Variants in RPGR observed in about 807,000 individuals in gnomAD.
RPGR encodes the protein retinitis pigmentosa GTPase regulator, also known as X-linked retinitis pigmentosa GTPase regulator.
Under a neutral mutation model 56.3 loss-of-function variants are expected in RPGR, and 10 were observed. The observed-to-expected ratio is 0.18, with a 90% CI of 0.11 to 0.30. RPGR has a LOEUF of 0.30. Among genes scored for constraint, RPGR ranks in the 10% least tolerant of loss-of-function variants. The pLI is 1.00. For synonymous variants in RPGR, 197 were observed against 212.9 expected (o/e 0.93, Z 0.65); for missense variants, 538 against 590.9 (o/e 0.91, Z 0.93).
At chrX:38,322,733 A>T in intron 3 of RPGR, 120 bp downstream of exon 3, 1 of 557,377 alleles carries the variant, frequency 1.8e-6, no homozygotes, top group Non-Finnish European at 3.0e-6. Flanking sequence ...TGCTAATAAT[A>T]TTCAAGCAAA....
chrX:38,324,836 A>G (rs1035479485), intron 1 of RPGR, among the ~76,000 whole-genome samples: 4 of 103,615 alleles, frequency 3.9e-5, no homozygotes, highest in Non-Finnish European at 7.9e-5. Context: ...GTAGCACAAT[A>G]TGTAAGATGA....
rs776767321 is a variant in RPGR at position 38,277,976 on chromosome X, G to A, written c.1906-1204C>T. ...CCAATTGCAAAGGCGTGGCCTAATA[G>A]CATTCCCACTGAGGACAGGAAGCCC... On this transcript the variant is annotated intron_variant, in intron 15 of 18. Transcript: ENST00000642395. 6.6e-4 allele frequency among the ~76,000 whole-genome samples: 74 copies of A among 112,174 alleles called. 1 individual carries two copies. The highest frequency in any genetic ancestry group is 2.3e-3 in the African/African-American group (72 of 30,900).
At position 38,284,909 on chromosome X, in the gene RPGR, T is replaced by C. The variant is rs1283846426; in HGVS notation, c.1905+2185A>G. The C allele has an allele frequency of 4.0e-6, 3 of 746,426 alleles. No individual in the cohort carries two copies. In the Admixed American group the frequency reaches 2.6e-4, roughly 65 times the overall value. The allele number at this position is 746,426 out of a possible 1,213,427, so 61.5% of individuals were successfully genotyped here. On this transcript the variant is annotated intron_variant, in intron 15 of 18. Transcript: ENST00000642395. ...CCATTTCATTAGATATACTACCATC[T>C]GCCCAGATAGTAACTAAAAGAGATC...
intron 17 of RPGR, chrX:38,273,752 A>G: frequency 9.2e-6 from 2 of 218,167 alleles, no homozygotes; most frequent in Non-Finnish European, 1.7e-5. Flanking sequence ...GACTTCTGTA[A>G]AATACAAATT....
intron 15 of RPGR, among the ~76,000 whole-genome samples, chrX:38,280,251 T>C (rs1456706680): frequency 8.9e-6 from 1 of 112,077 alleles, no homozygotes; most frequent in East Asian, 2.8e-4. Flanking sequence ...AAAAGTAAGA[T>C]AGAATTCTTA....
intron 15 of RPGR, chrX:38,276,801 G>C (rs200356383): frequency 8.7e-7 from 1 of 1,147,928 alleles, no homozygotes; most frequent in East Asian, 3.0e-5. Context: ...TCAGAGAAGA[G>C]TAAGATTTTC....
chrX:38,297,517 T>C, intron 10 of RPGR, 65 bp from the exon 11 acceptor site: 1 of 974,714 alleles, frequency 1.0e-6, no homozygotes, highest in Non-Finnish European at 1.4e-6. Flanking sequence ...GATATAAACT[T>C]TCCTAAAAGT....
chrX:38,321,097 T>C lies in RPGR; in HGVS notation c.248-8A>G, dbSNP rs775563204. Reference sequence around the variant, plus strand: ...CTTTTTCAGGTTTTAGAGCTAAAAATATTTAAAATGGGACAATTATTTTAT... The same window carrying C: ...CTTTTTCAGGTTTTAGAGCTAAAAACATTTAAAATGGGACAATTATTTTAT... On this transcript the variant is annotated splice_polypyrimidine_tract_variant and splice_region_variant and intron_variant, in intron 3 of 18. Transcript: ENST00000642395. The C allele has an allele frequency of 8.6e-7, 1 of 1,158,055 alleles. No individual in the cohort carries two copies. Among genetic ancestry groups the C allele is most frequent in the African/African-American group, 1.8e-5 (1 of 56,837 alleles).
At chrX:38,318,033 G>A (rs1442676979) in intron 5 of RPGR, 2 of 111,151 alleles carry the variant, frequency 1.8e-5, no homozygotes, top group South Asian at 7.4e-4. Flanking sequence ...CTCAAAAATA[G>A]GTAACATATA....
rs574171500 is a variant in RPGR at position 38,276,728 on chromosome X, C to T, written c.1950G>A (p.Val650=). 2 of 1,208,616 alleles carry T rather than the reference C, an allele frequency of 1.7e-6. No individual in the cohort carries two copies. Among genetic ancestry groups the T allele is most frequent in the East Asian group, 3.0e-5 (1 of 33,760 alleles). The change falls in exon 16 of 19, where the codon GTG becomes GTA. Residue 650 remains valine, a synonymous_variant. Coordinates refer to ENST00000642395, the MANE Select transcript of RPGR (RefSeq NM_000328.3). ...CATTTTCAGCATTAATTTCCTCATC[C>T]ACATCTTCTAGTTTTAGTTCCTCAG... is the stretch of plus-strand genomic sequence containing the variant.
intron 10 of RPGR, chrX:38,298,527 GTCAACAAT>G (rs1356634375): frequency 3.8e-6 from 1 of 259,926 alleles, no homozygotes; most frequent in African/African-American, 2.9e-5. Context: ...TGTGCCTATA[GTCAACAAT>G]ACCGTATTGC....
In RPGR at chrX:38,318,905, A is replaced by G; in HGVS notation, c.393T>C (p.His131=). The change falls in exon 5 of 19, where the codon CAT becomes CAC. Residue 131 remains histidine, a synonymous_variant. Transcript: ENST00000642395. ...GCTCGGATGTAAAAAAGCTAATTAC[A>G]TGAAAAGTGTTTCTTTCTTCGGTGT... 1 of 1,211,784 alleles carries G rather than the reference A, an allele frequency of 8.3e-7. No individual in the cohort carries two copies. Among genetic ancestry groups the G allele is most frequent in the Non-Finnish European group, 1.1e-6 (1 of 895,345 alleles).
chrX:38,303,653 T>C, intron 8 of RPGR: 2 of 290,355 alleles, frequency 6.9e-6, no homozygotes, highest in Non-Finnish European at 1.2e-5. Context: ...TCATGATACA[T>C]TCTCAAGAAC....
intron 2 of RPGR, 54 bp from the exon 3 acceptor site, chrX:38,322,999 G>T: frequency 1.1e-6 from 1 of 891,563 alleles, no homozygotes; most frequent in Non-Finnish European, 1.7e-6. Flanking sequence ...CATAATGTAA[G>T]ATGAGGTCAC....
Position 38,317,484 on chromosome X carries a change from G to T in RPGR, c.470-19C>A. On this transcript the variant is annotated intron_variant, in intron 5 of 18. Transcript: ENST00000642395. ...CCATCCTCTATAAAGAAAAATAAAAGGGGGAGAAAAGGTTTTAAAAGGTAG... is the reference window on the plus strand; with the variant it reads ...CCATCCTCTATAAAGAAAAATAAAATGGGGAGAAAAGGTTTTAAAAGGTAG... The T allele has an allele frequency of 8.4e-7, 1 of 1,196,791 alleles. No homozygotes were observed. The highest frequency in any genetic ancestry group is 1.8e-5 in the South Asian group (1 of 55,824).
rs749334487 is a variant in RPGR, at chrX:38,297,425, T to C, written c.1273A>G (p.Arg425Gly). The C allele has an allele frequency of 5.0e-6, 6 of 1,206,690 alleles. No individual in the cohort carries two copies. The highest frequency in any genetic ancestry group is 1.8e-5 in the African/African-American group (1 of 56,663). ...CCTTCTATTGGAGGTAGTGTTCTCC[T>C]CATTGAAAAAGAATCTGGAGACCTC... The change falls in exon 11 of 19, where the codon AGG (arginine) becomes GGG (glycine). Residue 425 changes from arginine (R) to glycine (G), a missense_variant. Arg to Gly is a moderately radical substitution (Grantham distance 125). Coordinates refer to ENST00000642395, the MANE Select transcript of RPGR (RefSeq NM_000328.3).
In RPGR at chrX:38,282,726, T is replaced by C. The variant is rs183221787; in HGVS notation, c.1905+4368A>G. ...TGTAAGTGTATAGCAAGTTTCTCTA[T>C]AGTGAAATAATAGAAGACATTTCAG... is the stretch of plus-strand genomic sequence containing the variant. On this transcript the variant is annotated intron_variant, in intron 15 of 18. Coordinates refer to ENST00000642395, the MANE Select transcript of RPGR (RefSeq NM_000328.3). Among the ~76,000 whole-genome samples the C allele has an allele frequency of 6.5e-4, 72 of 111,568 alleles. 1 individual carries two copies. Among genetic ancestry groups the C allele is most frequent in the Non-Finnish European group, 6.0e-4 (32 of 53,103 alleles).
chrX:38,275,809 A>G (rs1435360265), intron 16 of RPGR, among the ~76,000 whole-genome samples: 2 of 111,951 alleles, frequency 1.8e-5, no homozygotes, highest in Non-Finnish European at 3.8e-5. Flanking sequence ...CAACAGACCA[A>G]TGATGAGAGT....
Position 38,322,951 on chromosome X carries a change from A to T in RPGR, c.155-6T>A. On this transcript the variant is annotated splice_region_variant and splice_polypyrimidine_tract_variant and intron_variant, in intron 2 of 18. Coordinates refer to ENST00000642395, the MANE Select transcript of RPGR (RefSeq NM_000328.3). ...CATGTAAAGTTTATTATTTCCTGGT[A>T]GGAGGGAAAAAGAAATAATCAATTG... The T allele has an allele frequency of 8.6e-7, 1 of 1,165,289 alleles. No individual in the cohort carries two copies. The highest frequency in any genetic ancestry group is 1.8e-5 in the South Asian group (1 of 55,967).
Sources: gnomAD v4.1 joint callset for allele counts (sites outside exome capture counted in the v4.1 genomes callset) on GRCh38, gnomAD v4.1.1 for gene constraint, MANE v1.5 for transcripts, NCBI Gene and HGNC (gene_info 2026-07-23, HGNC 2026-07-21) for gene names.